Variants in KAT7 observed in about 807,000 individuals in gnomAD.
The protein encoded by KAT7 is lysine acetyltransferase 7.
Under a neutral mutation model 82.1 loss-of-function variants are expected in KAT7, and 10 were observed. The observed-to-expected ratio is 0.12, with a 90% confidence interval of 0.08 to 0.21. The LOEUF is 0.21. KAT7 is among the 10% of genes least tolerant of loss of function. KAT7 has a pLI of 1.00. For synonymous variants in KAT7, 250 were observed against 262.5 expected (o/e 0.95, Z 0.46); for missense variants, 378 against 760.9 (o/e 0.50, Z 5.92).
rs2074439607 is a variant in KAT7 at position 49,833,411 on chromosome 17, T to A, written c.*5909T>A. On this transcript the variant is annotated 3_prime_UTR_variant, in exon 15 of 15. Coordinates refer to ENST00000259021, the MANE Select transcript of KAT7 (RefSeq NM_007067.5). ...ACAAATTTAGAGGTGTGGTAGATCA[T>A]CTCCAAAGATGGCCACCAACAGTTG... 6.6e-6 allele frequency: 1 copy of A among 152,218 alleles called. No homozygotes were observed. Among genetic ancestry groups the A allele is most frequent in the Non-Finnish European group, 1.5e-5 (1 of 68,040 alleles). 9.4% of individuals were successfully genotyped at this position (152,218 alleles called of 1,614,324 possible).
rs1050096591 is a variant in KAT7, at chr17:49,826,267, C to T, written c.1627+121C>T. ...CTGAATATGGACCACTGCGGAGACC[C>T]TCACTAAAGCTGCCTAGGAATCCAA... On this transcript the variant is annotated intron_variant, in intron 13 of 14. Transcript: ENST00000259021. 7.5e-6 allele frequency: 7 copies of T among 929,310 alleles called. No homozygotes were observed. In the South Asian group the frequency reaches 1.3e-4, roughly 17 times the overall value. The allele number at this position is 929,310 out of a possible 1,614,324, so 57.6% of individuals were successfully genotyped here. A position where few individuals can be genotyped will look rare whatever the true frequency, so the allele number is the denominator to read the frequency against.
At chr17:49,794,906 G>A (rs893457808) in intron 2 of KAT7, among the ~76,000 whole-genome samples, 15 of 152,128 alleles carry the variant, frequency 9.9e-5, no homozygotes, top group African/African-American at 3.4e-4. Context: ...AGGCCCCTTG[G>A]AGATGTACAA....
chr17:49,804,024 G>T (rs1180228592), intron 4 of KAT7, among the ~76,000 whole-genome samples: 1 of 151,734 alleles, frequency 6.6e-6, no homozygotes. Context: ...TGGTTGAAGA[G>T]AAATATATAA....
rs374961973 is a variant in KAT7 at position 49,798,438 on chromosome 17, G to A, written c.460G>A (p.Ala154Thr). Residue 154 changes from alanine to threonine, a missense_variant, in exon 4 of 15, where the codon GCC becomes ACC. Transcript: ENST00000259021. ...CAATGTATCTCACGATGAGAGCATT[G>A]CCAAGGACATGTCCCTGAAGGACTC... The part of the protein sequence containing the change: ...SPNVSHDESI[A>T]KDMSLKDSGS... The A allele has an allele frequency of 9.5e-5, 154 of 1,614,188 alleles. No individual in the cohort carries two copies. The highest frequency in any genetic ancestry group is 8.2e-4 in the Middle Eastern group (5 of 6,062).
In KAT7 at chr17:49,826,051, T is replaced by A; in HGVS notation, c.1532T>A (p.Leu511His). The A allele has an allele frequency of 6.2e-7, 1 of 1,612,526 alleles. No homozygotes were observed. ...AAAGTTGGCTCCCCAGAACGTCCAC[T>A]CTCAGATCTGGGGCTTATAAGCTAT... ...EEKVGSPERP[L>H]SDLGLISYRS... is the part of the protein sequence containing the mutation. Residue 511 changes from leucine (L) to histidine (H), a missense_variant, in exon 13 of 15, where the codon CTC (leucine) becomes CAC (histidine). Leu to His is a moderately conservative substitution (Grantham distance 99). This residue lies in a region of KAT7 where 20 missense variants were observed against 142.4 expected (regional missense o/e 0.14). Coordinates refer to ENST00000259021, the MANE Select transcript of KAT7 (RefSeq NM_007067.5).
At position 49,805,345 on chromosome 17, in the gene KAT7, T is replaced by G. The variant is rs2143899805; in HGVS notation, c.581-18T>G. The stretch of plus-strand genomic sequence containing the variant: ...GCTTGTCTTCTTTCTTGAGATTAAG[T>G]TTTCCCTCCTTTAACAGGACACCTT... On this transcript the variant is annotated intron_variant, in intron 4 of 14. Coordinates refer to ENST00000259021, the MANE Select transcript of KAT7 (RefSeq NM_007067.5). 1.3e-6 allele frequency: 2 copies of G among 1,555,136 alleles called. No individual in the cohort carries two copies. Among genetic ancestry groups the G allele is most frequent in the South Asian group, 1.1e-5 (1 of 89,322 alleles).
intron 9 of KAT7, among the ~76,000 whole-genome samples, chr17:49,820,461 T>G (rs145809309): frequency 0.014 from 2,067 of 152,194 alleles, 38 homozygotes; most frequent in African/African-American, 0.046. Context: ...GTATTTTTAG[T>G]AGAGACGGGG....
At chr17:49,789,324 GA>G (rs765778803) in intron 1 of KAT7, 7 of 154,822 alleles carry the variant, frequency 4.5e-5, no homozygotes, top group Non-Finnish European at 8.6e-5. Context: ...TCCGAGCGGG[GA>G]CGCTGATAGG....
intron 12 of KAT7, among the ~76,000 whole-genome samples, chr17:49,825,602 C>T (rs2074359094): frequency 6.6e-6 from 1 of 152,160 alleles, no homozygotes; most frequent in African/African-American, 2.4e-5. Flanking sequence ...ACTTTTATTA[C>T]AGTATATTGT....
chr17:49,793,305 T>C (rs2073913412), intron 2 of KAT7, among the ~76,000 whole-genome samples: 2 of 152,186 alleles, frequency 1.3e-5, no homozygotes, highest in Admixed American at 1.3e-4. Context: ...TACCAAAATA[T>C]CAGTGTGGAA....
chr17:49,834,372 G>C lies in KAT7; in HGVS notation c.*6870G>C, dbSNP rs1393021597. The C allele has an allele frequency of 6.6e-6, 1 of 152,308 alleles. No homozygotes were observed. Among genetic ancestry groups the C allele is most frequent in the South Asian group, 2.1e-4 (1 of 4,834 alleles). 9.4% of individuals were successfully genotyped at this position (152,308 alleles called of 1,614,324 possible). A position where few individuals can be genotyped will look rare whatever the true frequency, so the allele number is the denominator to read the frequency against. Reference sequence around the variant, plus strand: ...CCGTGTTGCCCAGGCTGGTTCAAGCGGAGCTCAAGCAATCAGCCTGCCTCG... The same window carrying C: ...CCGTGTTGCCCAGGCTGGTTCAAGCCGAGCTCAAGCAATCAGCCTGCCTCG... On this transcript the variant is annotated 3_prime_UTR_variant, in exon 15 of 15. Transcript: ENST00000259021.
intron 7 of KAT7, chr17:49,815,196 T>C (rs2074219183): frequency 6.6e-6 from 1 of 152,230 alleles, no homozygotes; most frequent in South Asian, 2.1e-4. Context: ...AGCCTATTTT[T>C]CTGTGTATGT....
intron 3 of KAT7, among the ~76,000 whole-genome samples, chr17:49,798,089 A>G (rs1476537390): frequency 1.3e-5 from 2 of 152,248 alleles, no homozygotes; most frequent in Non-Finnish European, 2.9e-5. Context: ...AAATACAGAT[A>G]GGTGTAATAG....
intron 9 of KAT7, among the ~76,000 whole-genome samples, chr17:49,819,046 A>G (rs952943631): frequency 2.0e-5 from 3 of 152,072 alleles, no homozygotes; most frequent in Non-Finnish European, 2.9e-5. Flanking sequence ...CCTTGTTCTC[A>G]TAATCACAAT....
intron 1 of KAT7, chr17:49,789,415 C>CA (rs2073854506): frequency 6.6e-6 from 1 of 151,952 alleles, no homozygotes; most frequent in Admixed American, 6.6e-5. Context: ...GGTGGGAAGC[C>CA]AGCGCCCACT....
intron 4 of KAT7, among the ~76,000 whole-genome samples, chr17:49,799,803 C>T (rs2051240832): frequency 6.6e-6 from 1 of 151,600 alleles, no homozygotes; most frequent in African/African-American, 2.4e-5. Context: ...GCTGGGACTA[C>T]AGGCACGTGG....
Position 49,830,531 on chromosome 17 carries a change from G to C in KAT7, c.*3029G>C, listed in dbSNP as rs1035342170. The stretch of plus-strand genomic sequence containing the variant: ...GCATAACAGAAGCTTAGCTGCTTAA[G>C]CTCCTTTATTAGAAGAGCAAAAGTC... On this transcript the variant is annotated 3_prime_UTR_variant, in exon 15 of 15. Coordinates refer to ENST00000259021, the MANE Select transcript of KAT7 (RefSeq NM_007067.5). The C allele has an allele frequency of 2.0e-5, 3 of 152,192 alleles. No individual in the cohort carries two copies. The highest frequency in any genetic ancestry group is 7.2e-5 in the African/African-American group (3 of 41,462). 9.4% of individuals were successfully genotyped at this position (152,192 alleles called of 1,614,324 possible).
intron 7 of KAT7, chr17:49,815,027 C>T (rs1478658049): frequency 6.6e-6 from 1 of 152,128 alleles, no homozygotes; most frequent in South Asian, 2.1e-4. Context: ...GGGAAGTTTC[C>T]TTTGTAGAAT....
intron 1 of KAT7, chr17:49,789,739 G>GGA (rs1280491826): frequency 6.6e-6 from 1 of 152,094 alleles, no homozygotes; most frequent in Non-Finnish European, 1.5e-5. Context: ...CTGGCTTAAG[G>GGA]GTGTCACAGC....
Sources: allele counts gnomAD v4.1 joint callset (sites outside exome capture counted in the v4.1 genomes callset), GRCh38; gene constraint gnomAD v4.1.1; regional missense constraint gnomAD v4.1.1; transcripts MANE v1.5; gene names NCBI Gene and HGNC (gene_info 2026-07-23, HGNC 2026-07-21).